The following ABTB2 variants were observed in gnomAD, a reference collection of about 807,000 sequenced individuals.
ABTB2 encodes ankyrin repeat and BTB domain containing 2.
Under a neutral mutation model 104.1 loss-of-function variants are expected in ABTB2, and 56 were observed. The observed-to-expected ratio is 0.54, with a 90% CI of 0.43 to 0.67. The LOEUF (loss-of-function observed/expected upper bound fraction) is 0.67. ABTB2 is among the 30% of genes least tolerant of loss of function. ABTB2 has a pLI of 0.00. For synonymous variants in ABTB2, 606 were observed against 608.2 expected (o/e 1.00, Z 0.05); for missense variants, 1,279 against 1,407.7 (o/e 0.91, Z 1.46).
intron 1 of ABTB2, among the ~76,000 whole-genome samples, chr11:34,302,732 C>T (rs1854721737): frequency 1.3e-5 from 2 of 152,226 alleles, no homozygotes. Context: ...CTCCAGACCA[C>T]AACCTCTTTA....
At chr11:34,339,328 T>C (rs1855234396) in intron 1 of ABTB2, among the ~76,000 whole-genome samples, 1 of 152,192 alleles carries the variant, frequency 6.6e-6, no homozygotes, top group Non-Finnish European at 1.5e-5. Flanking sequence ...AAGAAGTGTG[T>C]GGGCTCATGC....
intron 1 of ABTB2, among the ~76,000 whole-genome samples, chr11:34,349,884 GC>G (rs1739419319): frequency 6.6e-6 from 1 of 152,274 alleles, no homozygotes; most frequent in African/African-American, 2.4e-5. Flanking sequence ...GAAACAACTT[GC>G]CCAGGGTCAC....
chr11:34,223,252 G>A (rs1028612260), intron 1 of ABTB2, among the ~76,000 whole-genome samples: 1 of 152,064 alleles, frequency 6.6e-6, no homozygotes, highest in African/African-American at 2.4e-5. Context: ...CAGCCCTCCC[G>A]ACTGGAGCAG....
Position 34,240,357 on chromosome 11 carries a change from C to T in ABTB2, c.884-35667G>A, listed in dbSNP as rs187243938. On this transcript the variant is annotated intron_variant, in intron 1 of 16. Transcript: ENST00000435224. ...GGCTGCAATTCCAGGGAGTCTCGAG[C>T]GATCCACCTGGCCACTGCACAAGCT... Among the ~76,000 whole-genome samples the T allele has an allele frequency of 2.2e-4, 34 of 152,312 alleles. No homozygotes were observed. The East Asian group carries it at 5.4e-3, about 24-fold the overall frequency.
At chr11:34,187,665 T>G (rs927455227) in intron 3 of ABTB2, among the ~76,000 whole-genome samples, 1 of 151,984 alleles carries the variant, frequency 6.6e-6, no homozygotes, top group African/African-American at 2.4e-5. Context: ...CCCAGCTAAT[T>G]TTTATTTTTA....
intron 11 of ABTB2, 45 bp from the exon 12 acceptor site, chr11:34,160,398 G>A (rs745717735): frequency 7.0e-7 from 1 of 1,426,036 alleles, no homozygotes; most frequent in Admixed American, 1.7e-5. Flanking sequence ...CGCTGTGGCT[G>A]GCTGTTCACA....
At chr11:34,191,766 C>T (rs1853179571) in intron 3 of ABTB2, among the ~76,000 whole-genome samples, 1 of 152,188 alleles carries the variant, frequency 6.6e-6, no homozygotes, top group Admixed American at 6.5e-5. Context: ...TTCTCAGCCA[C>T]AAGCTCAGCC....
At chr11:34,294,252 C>T (rs1358921483) in intron 1 of ABTB2, among the ~76,000 whole-genome samples, 2 of 152,122 alleles carry the variant, frequency 1.3e-5, no homozygotes, top group African/African-American at 4.8e-5. Context: ...GTGGCTTGAG[C>T]CTGGGGTCAT....
rs192148119 is a variant in ABTB2, at chr11:34,356,368, G to A, written c.883+333C>T. ...TAGAGACCTAGTCAATCACGGTAAAGAGCCACGGGGCAGTAAGTTTCATTT... is the reference window on the plus strand; with the variant it reads ...TAGAGACCTAGTCAATCACGGTAAAAAGCCACGGGGCAGTAAGTTTCATTT... On this transcript the variant is annotated intron_variant, in intron 1 of 16. Transcript: ENST00000435224. The surrounding 1 kb of genome is among the most constrained non-coding windows in gnomAD (Gnocchi z 4.6). Among the ~76,000 whole-genome samples, 3 of 152,346 alleles carry A rather than the reference G, an allele frequency of 2.0e-5. No individual in the cohort carries two copies. The highest frequency in any genetic ancestry group is 2.0e-4 in the Admixed American group (3 of 15,312).
In ABTB2 at chr11:34,313,675, ATG is replaced by A. The variant is rs373359789; in HGVS notation, c.883+43024_883+43025del. Reference sequence around the variant, plus strand: ...CAGCCATGCCACGAAAGTGGGAGAGATGCCACTGGGAGGGCGCACCTGCCTCA... The same window carrying A: ...CAGCCATGCCACGAAAGTGGGAGAGACCACTGGGAGGGCGCACCTGCCTCA... On this transcript the variant is annotated intron_variant, in intron 1 of 16. Transcript: ENST00000435224. Among the ~76,000 whole-genome samples, 772 of 152,344 alleles carry A rather than the reference ATG, an allele frequency of 5.1e-3. 9 individuals are homozygous for A. The highest frequency in any genetic ancestry group is 0.018 in the African/African-American group (731 of 41,574).
chr11:34,348,002 C>T (rs1158501258), intron 1 of ABTB2, among the ~76,000 whole-genome samples: 1 of 152,196 alleles, frequency 6.6e-6, no homozygotes, highest in Non-Finnish European at 1.5e-5. Flanking sequence ...CCAGTCTTGA[C>T]CTTCATTCTG....
intron 1 of ABTB2, among the ~76,000 whole-genome samples, chr11:34,270,827 ATC>A (rs1034897401): frequency 8.3e-4 from 127 of 152,322 alleles, no homozygotes; most frequent in African/African-American, 2.9e-3. Context: ...ATGATAGCAT[ATC>A]GTCAAGTTTT....
Position 34,164,749 on chromosome 11 carries a change from C to T in ABTB2, c.1925G>A (p.Gly642Asp). 2 of 1,558,360 alleles carry T rather than the reference C, an allele frequency of 1.3e-6. No homozygotes were observed. The highest frequency in any genetic ancestry group is 1.7e-6 in the Non-Finnish European group (2 of 1,162,188). The change falls in exon 9 of 17, where the codon GGC becomes GAC. Residue 642 changes from glycine to aspartate, a missense_variant. Physicochemically the swap from Gly to Asp is moderately conservative, Grantham distance 94 (BLOSUM62 -1). Coordinates refer to ENST00000435224, the MANE Select transcript of ABTB2 (RefSeq NM_145804.3). ...GTCCTCGTGGAGGGAGGAGCCCATG[C>T]CGTGGGCCTCCAGCATGCTGAGGAG... ...DPLLSMLEAH[G>D]MGSSLHEDMN...
At chr11:34,183,980 C>G (rs1853061397) in intron 3 of ABTB2, among the ~76,000 whole-genome samples, 1 of 152,008 alleles carries the variant, frequency 6.6e-6, no homozygotes, top group African/African-American at 2.4e-5. Flanking sequence ...GTGGTGCAAT[C>G]AAGGGTCACT....
intron 5 of ABTB2, among the ~76,000 whole-genome samples, chr11:34,169,222 G>A (rs747561993): frequency 6.6e-6 from 1 of 152,110 alleles, no homozygotes; most frequent in Non-Finnish European, 1.5e-5. Context: ...TGACGGGCCC[G>A]GTGAGGAGAC....
chr11:34,302,646 C>T (rs767008802), intron 1 of ABTB2, among the ~76,000 whole-genome samples: 7 of 152,166 alleles, frequency 4.6e-5, no homozygotes, highest in Non-Finnish European at 7.3e-5. Context: ...GTGTTTGTGG[C>T]TTTAAAAAAT....
intron 14 of ABTB2, among the ~76,000 whole-genome samples, chr11:34,158,276 G>A (rs747783578): frequency 1.3e-5 from 2 of 152,182 alleles, no homozygotes; most frequent in African/African-American, 2.4e-5. Flanking sequence ...AGCTGGGTGT[G>A]GTGGCGGGCG....
chr11:34,278,995 T>C (rs1239910788), intron 1 of ABTB2, among the ~76,000 whole-genome samples: 2 of 152,218 alleles, frequency 1.3e-5, no homozygotes, highest in Non-Finnish European at 2.9e-5. Context: ...GATAATGGCC[T>C]GCAAAAAGTA....
chr11:34,154,619 C>T lies in ABTB2; in HGVS notation c.2766+82G>A. ...CCTGTCAGATGGAGAGGAAGAGCCACCTTCCCTCTGAAGGGGGTGAATGGG... is the reference window on the plus strand; with the variant it reads ...CCTGTCAGATGGAGAGGAAGAGCCATCTTCCCTCTGAAGGGGGTGAATGGG... On this transcript the variant is annotated intron_variant, in intron 15 of 16. Coordinates refer to ENST00000435224, the MANE Select transcript of ABTB2 (RefSeq NM_145804.3). The surrounding 1 kb of genome is among the most constrained non-coding windows in gnomAD (Gnocchi z 4.9). The T allele has an allele frequency of 7.1e-7, 1 of 1,407,492 alleles. No individual in the cohort carries two copies. Among genetic ancestry groups the T allele is most frequent in the Non-Finnish European group, 1.0e-6 (1 of 1,000,888 alleles). The allele number at this position is 1,407,492 out of a possible 1,614,324, so 87.2% of individuals were successfully genotyped here.
Sources: allele counts gnomAD v4.1 joint callset (sites outside exome capture counted in the v4.1 genomes callset), GRCh38; gene constraint gnomAD v4.1.1; non-coding constraint Gnocchi (gnomAD v3.1); transcripts MANE v1.5; gene names NCBI Gene and HGNC (gene_info 2026-07-23, HGNC 2026-07-21).